Variants in XPO5 observed in about 807,000 individuals in gnomAD.
XPO5 encodes exportin 5, also known as exportin-5.
Under a neutral mutation model 160.6 loss-of-function variants are expected in XPO5, and 46 were observed. The ratio of observed to expected loss-of-function variants is 0.29; its 90% CI spans 0.23 to 0.37. The LOEUF (loss-of-function observed/expected upper bound fraction) is 0.37. Ranked by LOEUF, XPO5 falls within the 10% of genes least tolerant of loss-of-function variation. The probability of loss-of-function intolerance (pLI) is 1.00; values close to 1 mark genes in which losing one functional copy is unlikely to be tolerated. For synonymous variants in XPO5, 537 were observed against 519.3 expected, an observed-to-expected ratio of 1.03 and a Z score of -0.46; for missense variants, 1,090 against 1,463.9, an observed-to-expected ratio of 0.74 and a Z score of 4.17.
At chr6:43,531,226 T>C (rs1175552709) in intron 22 of XPO5, among the ~76,000 whole-genome samples, 3 of 143,668 alleles carry the variant, frequency 2.1e-5, no homozygotes, top group Non-Finnish European at 4.8e-5. Context: ...TTGGGTTTCA[T>C]CATTTTATAC....
chr6:43,562,366 T>C lies in XPO5; in HGVS notation c.912-20A>G, dbSNP rs1248969894. 1.9e-5 allele frequency: 29 copies of C among 1,551,002 alleles called. No individual in the cohort carries two copies. Among genetic ancestry groups the C allele is most frequent in the East Asian group, 4.5e-5 (2 of 43,976 alleles). On this transcript the variant is annotated intron_variant, in intron 8 of 31. Coordinates refer to ENST00000265351, the MANE Select transcript of XPO5 (RefSeq NM_020750.3). ...GCAGTCCTGTAAGATGAGAATTCCTTATATCACCAACAAAATTAAAAAGGC... is the reference window on the plus strand; with the variant it reads ...GCAGTCCTGTAAGATGAGAATTCCTCATATCACCAACAAAATTAAAAAGGC...
chr6:43,558,732 A>G, intron 11 of XPO5, 141 bp from the exon 12 acceptor site: 1 of 615,590 alleles, frequency 1.6e-6, no homozygotes, highest in Non-Finnish European at 2.7e-6. Context: ...TATCCACTTC[A>G]GTTCTATCAC....
chr6:43,551,457 T>C lies in XPO5; in HGVS notation c.1573-4A>G. On this transcript the variant is annotated splice_region_variant and splice_polypyrimidine_tract_variant and intron_variant, in intron 14 of 31. Transcript: ENST00000265351. ...TTCCATCATTAACAGGAATTTCCTGTAACAAAGACATAAAACAGGTTGACA... is the reference window on the plus strand; with the variant it reads ...TTCCATCATTAACAGGAATTTCCTGCAACAAAGACATAAAACAGGTTGACA... The C allele has an allele frequency of 6.2e-7, 1 of 1,610,920 alleles. No individual in the cohort carries two copies. The highest frequency in any genetic ancestry group is 8.5e-7 in the Non-Finnish European group (1 of 1,179,044).
Position 43,524,566 on chromosome 6 carries a change from G to A in XPO5, c.3382C>T (p.Gln1128Ter). Residue 1128 changes from glutamine to a stop codon, truncating the protein, a stop_gained, in exon 31 of 32, where the codon CAG (glutamine) becomes TAG (stop). Coordinates refer to ENST00000265351, the MANE Select transcript of XPO5 (RefSeq NM_020750.3). LOFTEE classifies it high-confidence loss of function. ...GGGTTTAAAAGCTTGCAGTCAAACT[G>A]GTCCAGTGAGTCCTTCTGTATTTCA... ...IPEIQKDSLD[Q>*]FDCKLLNPSL... 6.2e-7 allele frequency: 1 copy of A among 1,613,976 alleles called. No individual in the cohort carries two copies. The highest frequency in any genetic ancestry group is 8.5e-7 in the Non-Finnish European group (1 of 1,179,894).
chr6:43,528,730 G>C, intron 24 of XPO5, 98 bp downstream of exon 24: 2 of 1,182,272 alleles, frequency 1.7e-6, no homozygotes, highest in South Asian at 2.6e-5. Context: ...GGCAGGGCTA[G>C]TAGACAACAC....
rs1037389065 is a variant in XPO5 at position 43,526,540 on chromosome 6, A to G, written c.2983+145T>C. 2.2e-5 allele frequency: 19 copies of G among 863,628 alleles called. No homozygotes were observed. The African/African-American group carries it at 3.0e-4, about 14-fold the overall frequency. The allele number at this position is 863,628 out of a possible 1,614,324, so 53.5% of individuals were successfully genotyped here. A position where few individuals can be genotyped will look rare whatever the true frequency, so the allele number is the denominator to read the frequency against. ...TTGGAGGTGGGAGTATGATGGAGGC[A>G]CACAGCAAGAGGGCTGGTCCAGAGA... On this transcript the variant is annotated intron_variant, in intron 27 of 31. Coordinates refer to ENST00000265351, the MANE Select transcript of XPO5 (RefSeq NM_020750.3).
chr6:43,554,903 C>G (rs934875693), intron 13 of XPO5: 7 of 149,154 alleles, frequency 4.7e-5, no homozygotes, highest in African/African-American at 1.7e-4. Context: ...TAGTATGGTG[C>G]TTTTCTAAAG....
At chr6:43,530,591 C>T in intron 23 of XPO5, 97 bp downstream of exon 23, 1 of 1,398,352 alleles carries the variant, frequency 7.2e-7, no homozygotes, top group South Asian at 1.4e-5. Context: ...TCTCTTCCTT[C>T]CAGTTCTGCC....
At chr6:43,544,668 G>A (rs1484625566) in intron 20 of XPO5, among the ~76,000 whole-genome samples, 1 of 152,114 alleles carries the variant, frequency 6.6e-6, no homozygotes, top group Admixed American at 6.5e-5. Flanking sequence ...GTTCACACTT[G>A]TAATGCTAGC....
intron 6 of XPO5, 83 bp from the exon 7 acceptor site, chr6:43,567,437 C>A: frequency 7.9e-7 from 1 of 1,271,996 alleles, no homozygotes; most frequent in Admixed American, 3.1e-5. Context: ...CTCCCATTTT[C>A]TAATTCTAAG....
chr6:43,561,151 G>A, intron 9 of XPO5, 144 bp from the exon 10 acceptor site: 2 of 662,050 alleles, frequency 3.0e-6, no homozygotes, highest in Non-Finnish European at 5.2e-6. Context: ...GCTAAAGAAA[G>A]GCATCACTTC....
intron 15 of XPO5, among the ~76,000 whole-genome samples, chr6:43,550,742 C>T (rs552335188): frequency 1.3e-5 from 2 of 152,338 alleles, no homozygotes; most frequent in East Asian, 3.9e-4. Context: ...CCAAAATACT[C>T]ATGCTTTCTC....
chr6:43,562,135 T>C (rs1027471645), intron 9 of XPO5, 112 bp downstream of exon 9: 4 of 721,528 alleles, frequency 5.5e-6, no homozygotes, highest in African/African-American at 3.5e-5. Context: ...TGTATGGCAC[T>C]GCCCCATCAG....
intron 5 of XPO5, among the ~76,000 whole-genome samples, chr6:43,569,309 C>A (rs1144711): frequency 0.83 from 120,976 of 145,352 alleles, 49,785 homozygotes; most frequent in Non-Finnish European, 0.86. Context: ...AAAAAAACAA[C>A]AAAAAAAAAT....
In XPO5 at chr6:43,571,215, T is replaced by C. The variant is rs113931426; in HGVS notation, c.301-221A>G. ...GAGGGTTGCATCACCTAAAAGGCTG[T>C]CATATCGAGAGCTAGGATGACATCA... On this transcript the variant is annotated intron_variant, in intron 3 of 31. Coordinates refer to ENST00000265351, the MANE Select transcript of XPO5 (RefSeq NM_020750.3). Among the ~76,000 whole-genome samples, 439 of 152,358 alleles carry C rather than the reference T, an allele frequency of 2.9e-3. 1 individual carries two copies. Among genetic ancestry groups the C allele is most frequent in the African/African-American group, 0.01 (418 of 41,586 alleles).
chr6:43,567,936 A>T (rs1311578577), intron 6 of XPO5, among the ~76,000 whole-genome samples: 1 of 136,220 alleles, frequency 7.3e-6, no homozygotes, highest in Non-Finnish European at 1.6e-5. Flanking sequence ...ACCCTGTGTC[A>T]AAAAAAAAAA....
At chr6:43,563,925 CTTAT>C (rs899888978) in intron 8 of XPO5, among the ~76,000 whole-genome samples, 2 of 151,958 alleles carry the variant, frequency 1.3e-5, no homozygotes, top group Non-Finnish European at 2.9e-5. Flanking sequence ...CTAAACTAAA[CTTAT>C]TTATTTATTT....
intron 15 of XPO5, among the ~76,000 whole-genome samples, chr6:43,550,232 A>G (rs1795163650): frequency 6.6e-6 from 1 of 152,200 alleles, no homozygotes; most frequent in Non-Finnish European, 1.5e-5. Context: ...TTCTTTTATC[A>G]AAAGTTGTAT....
At chr6:43,529,679 T>C (rs903509638) in intron 23 of XPO5, 1 of 160,374 alleles carries the variant, frequency 6.2e-6, no homozygotes, top group Non-Finnish European at 1.4e-5. Context: ...TCTAGCACTT[T>C]GGAGGCTGAG....
Sources: gnomAD v4.1 joint callset for allele counts (sites outside exome capture counted in the v4.1 genomes callset) on GRCh38, gnomAD v4.1.1 for gene constraint, MANE v1.5 for transcripts, NCBI Gene and HGNC (gene_info 2026-07-23, HGNC 2026-07-21) for gene names.